Variants in TTC8 observed in about 807,000 individuals in gnomAD.
TTC8 encodes the protein tetratricopeptide repeat domain 8, also known as tetratricopeptide repeat protein 8.
TTC8 carries 47 observed loss-of-function variants against 72.5 expected under a neutral mutation model. The ratio of observed to expected loss-of-function variants is 0.65; its 90% CI spans 0.51 to 0.83. The LOEUF (loss-of-function observed/expected upper bound fraction) is 0.83. Among genes scored for constraint, TTC8 ranks in the 40% least tolerant of loss-of-function variants. The probability of loss-of-function intolerance (pLI) is 0.00; values close to 1 mark genes in which losing one functional copy is unlikely to be tolerated. For missense variants in TTC8, 611 were observed against 623.2 expected (o/e 0.98, Z 0.21); for synonymous variants, 199 against 221.4 (o/e 0.90, Z 0.90).
In TTC8 at chr14:88,853,182, A is replaced by G. The variant is rs996585382; in HGVS notation, c.710+126A>G. 8 of 711,852 alleles carry G rather than the reference A, an allele frequency of 1.1e-5. No individual in the cohort carries two copies. In the African/African-American group the frequency reaches 1.2e-4, roughly 11 times the overall value. The allele number at this position is 711,852 out of a possible 1,614,324, so 44.1% of individuals were successfully genotyped here. On this transcript the variant is annotated intron_variant, in intron 8 of 14. Transcript: ENST00000380656. Reference sequence around the variant, plus strand: ...GAGAACTGTGTCTTTGACTTACTTGATAAAGCATTTACTTAACAATCACAG... The same window carrying G: ...GAGAACTGTGTCTTTGACTTACTTGGTAAAGCATTTACTTAACAATCACAG...
chr14:88,856,005 G>T (rs1340421938), intron 8 of TTC8, among the ~76,000 whole-genome samples: 3 of 152,168 alleles, frequency 2.0e-5, no homozygotes, highest in Non-Finnish European at 4.4e-5. Flanking sequence ...GATTGCTTGA[G>T]CCCCAGAGGG....
chr14:88,831,451 C>G (rs2094725689), intron 1 of TTC8, among the ~76,000 whole-genome samples: 1 of 152,180 alleles, frequency 6.6e-6, no homozygotes, highest in Admixed American at 6.5e-5. Flanking sequence ...CAGTACCAGC[C>G]AATAAAGGAT....
intron 7 of TTC8, among the ~76,000 whole-genome samples, chr14:88,852,408 G>A (rs1245781585): frequency 1.3e-5 from 2 of 152,170 alleles, no homozygotes; most frequent in Non-Finnish European, 2.9e-5. Context: ...AATTTACTGG[G>A]ACTTAAGGTG....
chr14:88,862,720 A>T (rs1184580363), intron 10 of TTC8, among the ~76,000 whole-genome samples: 1 of 148,258 alleles, frequency 6.7e-6, no homozygotes. Flanking sequence ...AGCTGGGACT[A>T]CAGGCTTGTG....
intron 7 of TTC8, among the ~76,000 whole-genome samples, chr14:88,847,126 G>A (rs2140988545): frequency 1.3e-5 from 2 of 152,242 alleles, no homozygotes; most frequent in African/African-American, 4.8e-5. Flanking sequence ...GGGTAGGTGT[G>A]GCGAATCTGT....
Position 88,877,565 on chromosome 14 carries a change from G to A in TTC8, c.*155G>A. 1 of 618,360 alleles carries A rather than the reference G, an allele frequency of 1.6e-6. No individual in the cohort carries two copies. The highest frequency in any genetic ancestry group is 2.9e-6 in the Non-Finnish European group (1 of 344,576). 38.3% of individuals were successfully genotyped at this position (618,360 alleles called of 1,614,324 possible). A position where few individuals can be genotyped will look rare whatever the true frequency, so the allele number is the denominator to read the frequency against. On this transcript the variant is annotated 3_prime_UTR_variant, in exon 15 of 15. Coordinates refer to ENST00000380656, the MANE Select transcript of TTC8 (RefSeq NM_144596.4). ...GTGACACATAAGGGTGACACAGAAT[G>A]TGTAATGCAAATTTCATAGTAATAG...
rs1337771033 is a variant in TTC8, at chr14:88,841,107, A to G, written c.400A>G (p.Thr134Ala). 4 of 1,614,038 alleles carry G rather than the reference A, an allele frequency of 2.5e-6. No homozygotes were observed. The Admixed American group carries it at 5.0e-5, about 20-fold the overall frequency. ...CAGCACGCAGAGTGGAAGGCCAGGC[A>G]CTATGGAACAGGCTATCAGAACACC... ...RPSTQSGRPGTMEQAIRTPRT... is the reference protein window; with the variant it reads ...RPSTQSGRPGAMEQAIRTPRT... The change falls in exon 5 of 15, where the codon ACT becomes GCT. Residue 134 changes from threonine to alanine, a missense_variant. Thr to Ala is a moderately conservative substitution (Grantham distance 58, BLOSUM62 0). Transcript: ENST00000380656.
chr14:88,852,647 G>A (rs1405052504), intron 7 of TTC8, among the ~76,000 whole-genome samples: 3 of 152,160 alleles, frequency 2.0e-5, no homozygotes, highest in African/African-American at 7.2e-5. Context: ...TTATACAGTA[G>A]ATAAATCAGG....
At chr14:88,866,848 T>A (rs1158585772) in intron 10 of TTC8, among the ~76,000 whole-genome samples, 1 of 151,778 alleles carries the variant, frequency 6.6e-6, no homozygotes, top group Non-Finnish European at 1.5e-5. Context: ...CACCCAAGAC[T>A]CCCATACACA....
At position 88,843,813 on chromosome 14, in the gene TTC8, T is replaced by C. The variant is rs2094793441; in HGVS notation, c.587T>C (p.Phe196Ser). Residue 196 changes from phenylalanine to serine, a missense_variant, in exon 7 of 15, where the codon TTT (phenylalanine) becomes TCT (serine). Phe to Ser is a radical substitution (Grantham distance 155, BLOSUM62 -2). Coordinates refer to ENST00000380656, the MANE Select transcript of TTC8 (RefSeq NM_144596.4). Reference protein sequence around the residue: ...SQKPKLAKALFEYIFHHENDV... With the variant: ...SQKPKLAKALSEYIFHHENDV... The stretch of plus-strand genomic sequence containing the variant: ...ACACTTTTTTCTTCACAGGCTTTGT[T>C]TGAGTATATCTTTCATCATGAAAAT... The C allele has an allele frequency of 6.3e-7, 1 of 1,597,044 alleles. No homozygotes were observed.
chr14:88,872,224 T>G (rs2141038067), intron 12 of TTC8, 106 bp from the exon 13 acceptor site: 1 of 1,475,466 alleles, frequency 6.8e-7, no homozygotes, highest in East Asian at 2.3e-5. Flanking sequence ...TATAATTGTA[T>G]GGTACTTGAT....
chr14:88,843,451 T>A (rs1029527633), intron 6 of TTC8, among the ~76,000 whole-genome samples: 5 of 152,212 alleles, frequency 3.3e-5, no homozygotes, highest in African/African-American at 1.2e-4. Flanking sequence ...CCAGTTTTTT[T>A]ATGTCTAAAT....
chr14:88,855,994 G>A (rs1347470666), intron 8 of TTC8, among the ~76,000 whole-genome samples: 3 of 152,198 alleles, frequency 2.0e-5, no homozygotes, highest in Non-Finnish European at 4.4e-5. Flanking sequence ...CTAAGACAGA[G>A]GATTGCTTGA....
At chr14:88,852,262 T>A (rs1282916204) in intron 7 of TTC8, among the ~76,000 whole-genome samples, 1 of 152,188 alleles carries the variant, frequency 6.6e-6, no homozygotes, top group Non-Finnish European at 1.5e-5. Context: ...TAGTCACCTC[T>A]TGTCTAATCT....
At chr14:88,852,825 T>G in intron 7 of TTC8, 146 bp from the exon 8 acceptor site, 1 of 703,158 alleles carries the variant, frequency 1.4e-6, no homozygotes, top group Admixed American at 2.2e-5. Context: ...TGGGGCCATC[T>G]GGAAACATGA....
chr14:88,846,916 C>G, intron 7 of TTC8: 1 of 278,126 alleles, frequency 3.6e-6, no homozygotes, highest in African/African-American at 2.2e-5. Context: ...AGGTGAGCTA[C>G]TTGAATTATA....
rs201398625 is a variant in TTC8, at chr14:88,824,845, T to C, written c.114+24T>C. 585 of 1,588,884 alleles carry C rather than the reference T, an allele frequency of 3.7e-4. 5 individuals are homozygous for C. The African/African-American group carries it at 6.9e-3, about 19-fold the overall frequency. ...AGGTACCGGCCAGCTCCCGTCAGCC[T>C]GTGCATCCTGACGCTGAGGCTGCGG... On this transcript the variant is annotated intron_variant, in intron 1 of 14. Transcript: ENST00000380656.
Position 88,840,931 on chromosome 14 carries a change from A to G in TTC8, c.329+3A>G, listed in dbSNP as rs1365800682. On this transcript the variant is annotated splice_donor_region_variant and intron_variant, in intron 4 of 14. Transcript: ENST00000380656. ...GGAGGGCCTAGCCAGGCCGTTAGGTATGTACTTCTGCTTCATAACCTCTGC... is the reference window on the plus strand; with the variant it reads ...GGAGGGCCTAGCCAGGCCGTTAGGTGTGTACTTCTGCTTCATAACCTCTGC... 6 of 1,614,122 alleles carry G rather than the reference A, an allele frequency of 3.7e-6. No individual in the cohort carries two copies. In the South Asian group the frequency reaches 6.6e-5, roughly 18 times the overall value.
At chr14:88,833,016 TG>T (rs1299720272) in intron 1 of TTC8, among the ~76,000 whole-genome samples, 9 of 152,234 alleles carry the variant, frequency 5.9e-5, no homozygotes, top group Admixed American at 4.6e-4. Context: ...GCACATTGCT[TG>T]TACCAAGAAT....
Sources: gnomAD v4.1 joint callset for allele counts (sites outside exome capture counted in the v4.1 genomes callset) on GRCh38, gnomAD v4.1.1 for gene constraint, MANE v1.5 for transcripts, NCBI Gene and HGNC (gene_info 2026-07-23, HGNC 2026-07-21) for gene names.